The following ZC3H12B variants were observed in gnomAD, a reference collection of about 807,000 sequenced individuals.
ZC3H12B encodes the protein probable ribonuclease ZC3H12B.
A neutral mutation model predicts 43.9 loss-of-function variants in ZC3H12B; 7 were observed. That is an observed-to-expected ratio of 0.16 (90% confidence interval 0.09 to 0.30). The LOEUF (loss-of-function observed/expected upper bound fraction) is 0.30. Ranked by LOEUF, ZC3H12B falls within the 10% of genes least tolerant of loss-of-function variation. ZC3H12B has a pLI of 1.00. For missense variants in ZC3H12B, 475 were observed against 670.2 expected, an observed-to-expected ratio of 0.71 and a Z score of 3.22; for synonymous variants, 222 against 241.7, an observed-to-expected ratio of 0.92 and a Z score of 0.76.
At chrX:65,128,829 C>T in the ZC3H12B span, among the ~76,000 whole-genome samples, 1 of 111,738 alleles carries the variant, frequency 8.9e-6, no homozygotes, top group African/African-American at 3.2e-5. Context: ...TTTCTTTACT[C>T]TGATATCTAC....
At chrX:65,240,297 T>A in the ZC3H12B span, among the ~76,000 whole-genome samples, 2 of 111,924 alleles carry the variant, frequency 1.8e-5, no homozygotes, top group African/African-American at 6.5e-5. Context: ...CTTTTTGTTT[T>A]GTCTGTCCGA....
chrX:65,143,476 A>T, the ZC3H12B span, among the ~76,000 whole-genome samples: 13 of 109,841 alleles, frequency 1.2e-4, no homozygotes, highest in African/African-American at 4.0e-4. Flanking sequence ...AATATTGTTT[A>T]TGTGGTGTAT....
chrX:65,500,148 A>C (rs1447796400), intron 4 of ZC3H12B, among the ~76,000 whole-genome samples, 159 bp downstream of exon 9: 1 of 112,604 alleles, frequency 8.9e-6, no homozygotes, highest in Non-Finnish European at 1.9e-5. Flanking sequence ...TTAGGTATTT[A>C]AAGAAAAATC....
At chrX:65,172,601 A>G in the ZC3H12B span, among the ~76,000 whole-genome samples, 11 of 112,118 alleles carry the variant, frequency 9.8e-5, no homozygotes, top group East Asian at 1.4e-3. Context: ...TAATTTTTCT[A>G]TAAGGTGTAA....
chrX:65,186,998 T>C, the ZC3H12B span: 1 of 112,084 alleles, frequency 8.9e-6, no homozygotes, highest in African/African-American at 3.2e-5. Flanking sequence ...TAAACGTGTG[T>C]GCAAGTATCT....
intron 3 of ZC3H12B, among the ~76,000 whole-genome samples, chrX:65,401,378 G>A (rs1257072534): frequency 9.0e-6 from 1 of 111,677 alleles, no homozygotes; most frequent in Non-Finnish European, 1.9e-5. Flanking sequence ...AATGGAGGGA[G>A]CACTTAAAGA....
At chrX:65,469,441 G>T (rs901813422) in intron 3 of ZC3H12B, 1 of 457,444 alleles carries the variant, frequency 2.2e-6, no homozygotes, top group Non-Finnish European at 4.0e-6. Context: ...CTGCGGCTGG[G>T]CCTCAATGAC....
chrX:65,327,720 T>C, the ZC3H12B span, among the ~76,000 whole-genome samples: 1 of 111,578 alleles, frequency 9.0e-6, no homozygotes, highest in Non-Finnish European at 1.9e-5. Context: ...AAAAACAGCT[T>C]CATAAACTGG....
At chrX:65,436,937 T>TTTA (rs967461391) in intron 3 of ZC3H12B, among the ~76,000 whole-genome samples, 8 of 110,335 alleles carry the variant, frequency 7.3e-5, no homozygotes, top group Non-Finnish European at 1.3e-4. Context: ...TCTTATTCAT[T>TTTA]TTATTATTAT....
chrX:65,406,612 C>CTGGGCGGGGA (rs1569396852), intron 3 of ZC3H12B, among the ~76,000 whole-genome samples: 1 of 16,168 alleles, frequency 6.2e-5, no homozygotes, highest in African/African-American at 1.7e-4. Context: ...CTGGGCGGGG[C>CTGGGCGGGGA]TGGGCGGGAC....
chrX:65,120,921 T>G, the ZC3H12B span, among the ~76,000 whole-genome samples: 1 of 111,902 alleles, frequency 8.9e-6, no homozygotes, highest in Non-Finnish European at 1.9e-5. Context: ...GTGGTTTTTG[T>G]CATTGGTTCT....
At chrX:65,281,487 A>C in the ZC3H12B span, among the ~76,000 whole-genome samples, 43 of 111,758 alleles carry the variant, frequency 3.8e-4, no homozygotes, top group African/African-American at 1.4e-3. Context: ...CGGCTTCCCA[A>C]AGTGCTAGGA....
chrX:65,039,573 T>G, the ZC3H12B span, among the ~76,000 whole-genome samples: 1 of 111,575 alleles, frequency 9.0e-6, no homozygotes, highest in Admixed American at 9.5e-5. Flanking sequence ...GTATATTGAT[T>G]TGTTCTCACT....
chrX:65,167,774 C>G, the ZC3H12B span, among the ~76,000 whole-genome samples: 9,241 of 111,098 alleles, frequency 0.083, 1,031 homozygotes, highest in African/African-American at 0.29. Flanking sequence ...AAGTTAGATT[C>G]CTAGGTATTT....
At chrX:65,323,329 C>A in the ZC3H12B span, among the ~76,000 whole-genome samples, 1 of 111,440 alleles carries the variant, frequency 9.0e-6, no homozygotes, top group Non-Finnish European at 1.9e-5. Flanking sequence ...CAGACCCAAC[C>A]CAGGACATGG....
chrX:65,255,729 A>G, the ZC3H12B span, among the ~76,000 whole-genome samples: 1 of 112,472 alleles, frequency 8.9e-6, no homozygotes, highest in South Asian at 3.6e-4. Flanking sequence ...CACAATTAAA[A>G]GGCACAAAGT....
At chrX:65,197,847 T>C in the ZC3H12B span, among the ~76,000 whole-genome samples, 1 of 111,969 alleles carries the variant, frequency 8.9e-6, no homozygotes, top group Non-Finnish European at 1.9e-5. Context: ...GGGAACTTTT[T>C]CCACTCAGCC....
At chrX:65,207,128 A>G in the ZC3H12B span, among the ~76,000 whole-genome samples, 8 of 109,814 alleles carry the variant, frequency 7.3e-5, no homozygotes, top group Non-Finnish European at 1.3e-4. Context: ...AAGTAGAACT[A>G]TCATTTGATC....
the ZC3H12B span, among the ~76,000 whole-genome samples, chrX:65,339,475 A>G: frequency 1.8e-5 from 2 of 112,303 alleles, no homozygotes; most frequent in Non-Finnish European, 3.8e-5. Context: ...GAGAAGTGGT[A>G]AAGGCAGCAT....
Sources: gnomAD v4.1 joint callset for allele counts (sites outside exome capture counted in the v4.1 genomes callset) on GRCh38, gnomAD v4.1.1 for gene constraint, MANE v1.5 for transcripts, NCBI Gene and HGNC (gene_info 2026-07-23, HGNC 2026-07-21) for gene names.